Variants in DLEC1 observed in about 807,000 individuals in gnomAD.
DLEC1 encodes the protein DLEC1 cilia and flagella associated protein, also known as deleted in lung and esophageal cancer protein 1.
DLEC1 carries 146 observed loss-of-function variants against 198.1 expected under a neutral mutation model. The ratio of observed to expected loss-of-function variants is 0.74; its 90% CI spans 0.64 to 0.85. DLEC1 has a LOEUF of 0.85. DLEC1 is among the 40% of genes least tolerant of loss of function. DLEC1 has a pLI of 0.00. For synonymous variants in DLEC1, 897 were observed against 866.8 expected, an observed-to-expected ratio of 1.03 and a Z score of -0.61; for missense variants, 2,233 against 2,220.0, an observed-to-expected ratio of 1.01 and a Z score of -0.12.
At chr3:38,041,061 G>C (rs1455349128) in intron 1 of DLEC1, among the ~76,000 whole-genome samples, 4 of 151,966 alleles carry the variant, frequency 2.6e-5, no homozygotes, top group African/African-American at 9.7e-5. Context: ...ACCCAGGCTG[G>C]AGTGCATGGC....
intron 19 of DLEC1, among the ~76,000 whole-genome samples, chr3:38,101,325 C>A (rs977638296): frequency 1.3e-5 from 2 of 152,004 alleles, no homozygotes; most frequent in Non-Finnish European, 2.9e-5. Flanking sequence ...TATGGTGGTG[C>A]TCGCCTGTAG....
At chr3:38,099,048 GC>G (rs1699174913) in intron 18 of DLEC1, among the ~76,000 whole-genome samples, 1 of 152,166 alleles carries the variant, frequency 6.6e-6, no homozygotes. Context: ...ATTATGTTTA[GC>G]CAAGAACCCT....
At chr3:38,096,067 G>T in intron 14 of DLEC1, 121 bp downstream of exon 14, 1 of 1,202,256 alleles carries the variant, frequency 8.3e-7, no homozygotes. Flanking sequence ...CAGGCTTTGG[G>T]GAGTGAGAGC....
chr3:38,092,945 C>A, intron 11 of DLEC1, 65 bp downstream of exon 11: 2 of 1,492,318 alleles, frequency 1.3e-6, no homozygotes, highest in Non-Finnish European at 1.9e-6. Context: ...GGGCCACTGA[C>A]CACAGTAGCA....
At chr3:38,052,946 C>T (rs1402462144) in intron 2 of DLEC1, among the ~76,000 whole-genome samples, 2 of 152,232 alleles carry the variant, frequency 1.3e-5, no homozygotes, top group Non-Finnish European at 2.9e-5. Flanking sequence ...CGCGCCGCCA[C>T]GCCTGACTGG....
chr3:38,110,100 A>G lies in DLEC1; in HGVS notation c.3262A>G (p.Thr1088Ala), dbSNP rs767159241. 35 of 1,613,718 alleles carry G rather than the reference A, an allele frequency of 2.2e-5. No individual in the cohort carries two copies. Among genetic ancestry groups the G allele is most frequent in the Middle Eastern group, 3.3e-4 (2 of 6,082 alleles). Residue 1088 changes from threonine to alanine, a missense_variant and splice_region_variant, in exon 23 of 37, where the codon ACA becomes GCA. Transcript: ENST00000308059. ...TISKESSDCS[T>A]EQWPGHPKEL... ...ATGGGCACAGGACAGTGTTTTCAGC[A>G]CAGAGCAGTGGCCAGGCCACCCAAA...
intron 6 of DLEC1, among the ~76,000 whole-genome samples, chr3:38,083,066 G>A (rs567604345): frequency 6.6e-6 from 1 of 151,646 alleles, no homozygotes. Flanking sequence ...GAGGTTGAGG[G>A]ATAGTGAGGG....
At chr3:38,118,131 C>A in intron 33 of DLEC1, 107 bp downstream of exon 33, 1 of 1,261,478 alleles carries the variant, frequency 7.9e-7, no homozygotes, top group Non-Finnish European at 1.1e-6. Context: ...ACGCAAACTG[C>A]ATGCCTGACC....
At chr3:38,109,375 G>A (rs1699740042) in intron 21 of DLEC1, 57 bp from the exon 22 acceptor site, 2 of 1,606,070 alleles carry the variant, frequency 1.2e-6, no homozygotes, top group Non-Finnish European at 1.7e-6. Flanking sequence ...AAGACCATCT[G>A]GGCTCATCTT....
rs1385358646 is a variant in DLEC1 at position 38,085,312 on chromosome 3, A to G, written c.1300A>G (p.Met434Val). 1.9e-6 allele frequency: 3 copies of G among 1,614,148 alleles called. No homozygotes were observed. The highest frequency in any genetic ancestry group is 3.3e-5 in the Admixed American group (2 of 60,028). Residue 434 changes from methionine to valine, a missense_variant, in exon 8 of 37, where the codon ATG (methionine) becomes GTG (valine). By Grantham distance (21) the Met-to-Val change is conservative (BLOSUM62 1). Transcript: ENST00000308059. ...PGKGGMVAPG[M>V]TCQYIVQFFP... ...AAAAGGTGGAATGGTGGCTCCTGGAATGACCTGCCAGTACATTGTCCAGTT... is the reference window on the plus strand; with the variant it reads ...AAAAGGTGGAATGGTGGCTCCTGGAGTGACCTGCCAGTACATTGTCCAGTT...
At chr3:38,118,603 T>G (rs909794029) in intron 33 of DLEC1, among the ~76,000 whole-genome samples, 1 of 152,180 alleles carries the variant, frequency 6.6e-6, no homozygotes, top group African/African-American at 2.4e-5. Context: ...CTGAGGCAAC[T>G]GGAATGAGGC....
At position 38,123,320 on chromosome 3, in the gene DLEC1, G is replaced by C; in HGVS notation, c.*908G>C. 1 of 587,644 alleles carries C rather than the reference G, an allele frequency of 1.7e-6. No individual in the cohort carries two copies. Among genetic ancestry groups the C allele is most frequent in the South Asian group, 2.0e-5 (1 of 49,424 alleles). 36.4% of individuals were successfully genotyped at this position (587,644 alleles called of 1,614,324 possible). ...ACTGCAGGCTAGTATCCCTTTCAAGGCTGGCCCTTAAGGAAAACAGGGATC... is the reference window on the plus strand; with the variant it reads ...ACTGCAGGCTAGTATCCCTTTCAAGCCTGGCCCTTAAGGAAAACAGGGATC... On this transcript the variant is annotated 3_prime_UTR_variant, in exon 37 of 37. Coordinates refer to ENST00000308059, the MANE Select transcript of DLEC1 (RefSeq NM_007335.4).
intron 10 of DLEC1, 86 bp downstream of exon 10, chr3:38,088,474 C>G: frequency 3.1e-6 from 4 of 1,281,820 alleles, no homozygotes; most frequent in Non-Finnish European, 4.5e-6. Context: ...GTGTCCAGTC[C>G]CATCCCATAT....
chr3:38,048,963 A>G (rs984158924), intron 2 of DLEC1, among the ~76,000 whole-genome samples: 1 of 152,178 alleles, frequency 6.6e-6, no homozygotes, highest in Non-Finnish European at 1.5e-5. Context: ...GCAAATGTCC[A>G]GAGTCTTTAC....
In DLEC1 at chr3:38,107,720, C is replaced by T. The variant is rs1699640883; in HGVS notation, c.3001C>T (p.Gln1001Ter). 3.7e-6 allele frequency: 6 copies of T among 1,613,976 alleles called. No individual in the cohort carries two copies. The highest frequency in any genetic ancestry group is 5.1e-6 in the Non-Finnish European group (6 of 1,179,916). Reference protein sequence around the residue: ...TLINGTLLPTQFHWGKLLGHQ... With the variant: ...TLINGTLLPT ...TATCAATGGCACGCTCCTGCCTACC[C>T]AGTTCCACTGGGGCAAGGTGAGTGA... Residue 1001 changes from glutamine to a stop codon, truncating the protein, a stop_gained, in exon 20 of 37, where the codon CAG (glutamine) becomes TAG (stop). Coordinates refer to ENST00000308059, the MANE Select transcript of DLEC1 (RefSeq NM_007335.4). LOFTEE classifies it high-confidence loss of function.
At position 38,086,360 on chromosome 3, in the gene DLEC1, C is replaced by T; in HGVS notation, c.1555C>T (p.Pro519Ser). The stretch of plus-strand genomic sequence containing the variant: ...CTGCATTATGCCCAAAACAAGCTGG[C>T]CACCACTAAGTTTCAAGGTGAGTGA... ...RFCIMPKTSW[P>S]PLSFKAIATV... The change falls in exon 9 of 37, where the codon CCA (proline) becomes TCA (serine). Residue 519 changes from proline to serine, a missense_variant. Pro to Ser is a moderately conservative substitution (Grantham distance 74). Coordinates refer to ENST00000308059, the MANE Select transcript of DLEC1 (RefSeq NM_007335.4). 1 of 1,608,946 alleles carries T rather than the reference C, an allele frequency of 6.2e-7. No homozygotes were observed. The highest frequency in any genetic ancestry group is 1.1e-5 in the South Asian group (1 of 89,894).
intron 7 of DLEC1, among the ~76,000 whole-genome samples, chr3:38,084,521 A>G (rs112214843): frequency 0.13 from 155 of 1,232 alleles, 8 homozygotes; most frequent in Admixed American, 0.15. Context: ...TAGTAGTGGT[A>G]GTAGTAGTAG....
chr3:38,048,983 G>A (rs984574782), intron 2 of DLEC1, among the ~76,000 whole-genome samples: 56 of 152,082 alleles, frequency 3.7e-4, no homozygotes, highest in Non-Finnish European at 3.5e-4. Context: ...CTGGTTGCCT[G>A]ATGTTCCCTG....
intron 2 of DLEC1, among the ~76,000 whole-genome samples, chr3:38,048,387 C>T (rs1339309490): frequency 6.6e-6 from 1 of 152,166 alleles, no homozygotes; most frequent in Non-Finnish European, 1.5e-5. Flanking sequence ...TTTAGGAGAC[C>T]TGTTATATCT....
Sources: allele counts gnomAD v4.1 joint callset (sites outside exome capture counted in the v4.1 genomes callset), GRCh38; gene constraint gnomAD v4.1.1; transcripts MANE v1.5; gene names NCBI Gene and HGNC (gene_info 2026-07-23, HGNC 2026-07-21).